ILKAP: variants seen among roughly 807,000 people sequenced by gnomAD.
ILKAP encodes the protein integrin-linked kinase-associated serine/threonine phosphatase 2C.
Under a neutral mutation model 49.1 loss-of-function variants are expected in ILKAP, and 11 were observed. That is an observed-to-expected ratio of 0.22 (90% confidence interval 0.14 to 0.37). ILKAP has a LOEUF of 0.37. ILKAP is among the 10% of genes least tolerant of loss of function. ILKAP has a pLI of 1.00. For missense variants in ILKAP, 363 were observed against 510.8 expected, an observed-to-expected ratio of 0.71 and a Z score of 2.79; for synonymous variants, 186 against 192.8, an observed-to-expected ratio of 0.96 and a Z score of 0.29.
chr2:238,190,958 CTTCT>C (rs1359924178), intron 3 of ILKAP, among the ~76,000 whole-genome samples: 1 of 139,010 alleles, frequency 7.2e-6, no homozygotes, highest in Non-Finnish European at 1.5e-5. Flanking sequence ...GACATTTCTT[CTTCT>C]TTTTGTTTTT....
intron 4 of ILKAP, chr2:238,188,470 T>A (rs1365323232): frequency 1.6e-5 from 8 of 511,806 alleles, no homozygotes; most frequent in Middle Eastern, 1.0e-3. Context: ...CTCTAAGAGG[T>A]TGCACAGGGA....
chr2:238,173,752 G>C, intron 9 of ILKAP, 99 bp from the exon 10 acceptor site: 1 of 1,316,702 alleles, frequency 7.6e-7, no homozygotes, highest in Non-Finnish European at 1.0e-6. Flanking sequence ...AAGTGTGAAA[G>C]ATACAGACTG....
chr2:238,174,976 C>G (rs1693383764), intron 9 of ILKAP, among the ~76,000 whole-genome samples: 2 of 152,316 alleles, frequency 1.3e-5, no homozygotes, highest in South Asian at 4.1e-4. Context: ...TTACAATCAC[C>G]ACGTCTGCAA....
intron 6 of ILKAP, 114 bp from the exon 7 acceptor site, chr2:238,184,227 G>A: frequency 1.5e-6 from 1 of 679,190 alleles, no homozygotes; most frequent in South Asian, 1.7e-5. Context: ...GTCTCGTTCT[G>A]TCACCAGGCT....
intron 9 of ILKAP, among the ~76,000 whole-genome samples, chr2:238,177,179 C>T (rs1693497918): frequency 6.6e-6 from 1 of 152,122 alleles, no homozygotes; most frequent in African/African-American, 2.4e-5. Flanking sequence ...GATTTACATA[C>T]TTTTGTTAAG....
intron 3 of ILKAP, 112 bp downstream of exon 3, chr2:238,194,163 T>C (rs1574805098): frequency 2.4e-6 from 2 of 849,360 alleles, no homozygotes; most frequent in East Asian, 5.2e-5. Context: ...TTATGCTGTA[T>C]TATGACTTAA....
At chr2:238,170,700 G>A in intron 11 of ILKAP, 24 bp from the exon 12 acceptor site, 2 of 1,595,048 alleles carry the variant, frequency 1.3e-6, no homozygotes, top group Non-Finnish European at 1.7e-6. Flanking sequence ...AAGGGAATGA[G>A]TGAATGGAGT....
intron 1 of ILKAP, among the ~76,000 whole-genome samples, chr2:238,199,119 G>A (rs1694465357): frequency 6.6e-6 from 1 of 152,018 alleles, no homozygotes; most frequent in African/African-American, 2.4e-5. Context: ...ACCCATCAAG[G>A]CATGCTCCAG....
At chr2:238,192,560 C>A (rs1020447397) in intron 3 of ILKAP, among the ~76,000 whole-genome samples, 37 of 151,918 alleles carry the variant, frequency 2.4e-4, no homozygotes, top group African/African-American at 8.9e-4. Flanking sequence ...ATTAGGTGGG[C>A]GTGGTGGCGG....
At chr2:238,199,774 CTTCTT>C (rs1694494111) in intron 1 of ILKAP, among the ~76,000 whole-genome samples, 1 of 151,008 alleles carries the variant, frequency 6.6e-6, no homozygotes, top group African/African-American at 2.4e-5. Context: ...TTCAAATATT[CTTCTT>C]TTTTTTTTTT....
At chr2:238,178,368 T>C (rs1226584954) in intron 9 of ILKAP, among the ~76,000 whole-genome samples, 1 of 152,184 alleles carries the variant, frequency 6.6e-6, no homozygotes, top group Non-Finnish European at 1.5e-5. Flanking sequence ...TTTTTATTTT[T>C]TGTAGAGATA....
intron 8 of ILKAP, among the ~76,000 whole-genome samples, chr2:238,182,957 A>T (rs1693756952): frequency 6.6e-6 from 1 of 152,146 alleles, no homozygotes; most frequent in Non-Finnish European, 1.5e-5. Flanking sequence ...GAGGGGTCTA[A>T]AGATGCTGCT....
intron 1 of ILKAP, among the ~76,000 whole-genome samples, chr2:238,197,193 C>A (rs1214248160): frequency 6.6e-6 from 1 of 152,190 alleles, no homozygotes; most frequent in Non-Finnish European, 1.5e-5. Context: ...CAGACTCTGT[C>A]CCCAGCACCC....
intron 1 of ILKAP, 88 bp from the exon 2 acceptor site, chr2:238,194,958 T>TCTG: frequency 9.4e-7 from 1 of 1,061,184 alleles, no homozygotes; most frequent in South Asian, 1.3e-5. Context: ...CTCCCCTGCT[T>TCTG]TGACACAAGT....
intron 1 of ILKAP, among the ~76,000 whole-genome samples, chr2:238,199,226 T>C (rs1201616618): frequency 6.6e-6 from 1 of 152,222 alleles, no homozygotes; most frequent in Non-Finnish European, 1.5e-5. Flanking sequence ...GTTCAAGCTT[T>C]TCCCAGTTCT....
In ILKAP at chr2:238,170,929, G is replaced by A. The variant is rs910245687; in HGVS notation, c.1038+14C>T. ...CAATTGGGACAACCACCACCCCCGT[G>A]TGAGATTTCTCACCTCGAGACAGGA... On this transcript the variant is annotated intron_variant, in intron 11 of 11. Coordinates refer to ENST00000254654, the MANE Select transcript of ILKAP (RefSeq NM_030768.3). 2 of 1,610,158 alleles carry A rather than the reference G, an allele frequency of 1.2e-6. No individual in the cohort carries two copies. The highest frequency in any genetic ancestry group is 1.7e-6 in the Non-Finnish European group (2 of 1,176,526).
chr2:238,202,887 G>GGA (rs1694628381), intron 1 of ILKAP, among the ~76,000 whole-genome samples: 1 of 116,712 alleles, frequency 8.6e-6, no homozygotes, highest in South Asian at 2.8e-4. Flanking sequence ...CCGTGGACCA[G>GGA]AAAAAAAAAA....
chr2:238,176,229 G>T (rs1384874237), intron 9 of ILKAP, among the ~76,000 whole-genome samples: 2 of 142,650 alleles, frequency 1.4e-5, no homozygotes, highest in African/African-American at 5.2e-5. Context: ...TGCCGCCTGG[G>T]TTCAAGTGAT....
intron 4 of ILKAP, among the ~76,000 whole-genome samples, chr2:238,189,359 C>T (rs1402844655): frequency 6.6e-6 from 1 of 152,164 alleles, no homozygotes; most frequent in Non-Finnish European, 1.5e-5. Flanking sequence ...TACTTTAGTA[C>T]CACAACTGAA....
Sources: allele counts gnomAD v4.1 joint callset (sites outside exome capture counted in the v4.1 genomes callset), GRCh38; gene constraint gnomAD v4.1.1; transcripts MANE v1.5; gene names NCBI Gene and HGNC (gene_info 2026-07-23, HGNC 2026-07-21).